The following LAMA3 variants were observed in gnomAD, a reference collection of about 807,000 sequenced individuals.
LAMA3 encodes the protein laminin subunit alpha 3.
LAMA3 carries 281 observed loss-of-function variants against 402.0 expected under a neutral mutation model. That is an observed-to-expected ratio of 0.70 (90% CI 0.63 to 0.77). LAMA3 has a LOEUF of 0.77. Ranked by LOEUF, LAMA3 falls within the 30% of genes least tolerant of loss-of-function variation. LAMA3 has a pLI of 0.00. For synonymous variants in LAMA3, 1,431 were observed against 1,558.4 expected (o/e 0.92, Z 1.93); for missense variants, 3,840 against 4,215.5 (o/e 0.91, Z 2.47).
rs1243607109 is a variant in LAMA3 at position 23,912,626 on chromosome 18, G to A, written c.7159-85G>A. 81 of 1,093,436 alleles carry A rather than the reference G, an allele frequency of 7.4e-5. 4 individuals are homozygous for A. The South Asian group carries it at 7.8e-4, about 10-fold the overall frequency. 67.7% of individuals were successfully genotyped at this position (1,093,436 alleles called of 1,614,324 possible). On this transcript the variant is annotated intron_variant, in intron 55 of 74. Transcript: ENST00000313654. ...AACAACTCAGGAAAGGCTGATACAT[G>A]GCTACGAGTCACAAACTAGCTCTCT...
intron 40 of LAMA3, among the ~76,000 whole-genome samples, chr18:23,882,503 G>C (rs761070774): frequency 6.6e-6 from 1 of 151,842 alleles, no homozygotes; most frequent in South Asian, 2.1e-4. Context: ...CCAGCTATTC[G>C]GGAGGCTGAG....
chr18:23,919,246 T>C (rs2081747838), intron 60 of LAMA3, among the ~76,000 whole-genome samples: 1 of 152,144 alleles, frequency 6.6e-6, no homozygotes, highest in African/African-American at 2.4e-5. Context: ...ATTTTCCTCT[T>C]AGAAAAGAAC....
chr18:23,848,093 G>T (rs2144641931), intron 32 of LAMA3, among the ~76,000 whole-genome samples: 1 of 152,328 alleles, frequency 6.6e-6, no homozygotes, highest in East Asian at 1.9e-4. Context: ...GGGTTCGCTG[G>T]CAGTGTGGTT....
At chr18:23,817,255 C>T (rs1449250677) in intron 18 of LAMA3, among the ~76,000 whole-genome samples, 1 of 152,074 alleles carries the variant, frequency 6.6e-6, no homozygotes, top group African/African-American at 2.4e-5. Context: ...CATTTATAAA[C>T]GTTTTGAAAC....
At chr18:23,921,307 C>CA in intron 61 of LAMA3, 145 bp from the exon 62 acceptor site, 1 of 940,394 alleles carries the variant, frequency 1.1e-6, no homozygotes. Context: ...TATTTTTATC[C>CA]AAAAATGCTA....
At chr18:23,935,385 T>G (rs2082281210) in intron 67 of LAMA3, among the ~76,000 whole-genome samples, 1 of 152,222 alleles carries the variant, frequency 6.6e-6, no homozygotes, top group Non-Finnish European at 1.5e-5. Context: ...CTGCGTGGGC[T>G]TCAGCAGATA....
At chr18:23,844,929 G>A in intron 29 of LAMA3, 80 bp from the exon 30 acceptor site, 1 of 836,114 alleles carries the variant, frequency 1.2e-6, no homozygotes, top group Non-Finnish European at 2.1e-6. Flanking sequence ...TCGAGTAGGG[G>A]TGCTCAACCT....
chr18:23,923,772 AG>A (rs2145333810), intron 62 of LAMA3, among the ~76,000 whole-genome samples: 1 of 152,302 alleles, frequency 6.6e-6, no homozygotes, highest in African/African-American at 2.4e-5. Flanking sequence ...TGAGGCAATA[AG>A]GAACCCATTG....
At chr18:23,799,088 T>A (rs2144166580) in intron 12 of LAMA3, among the ~76,000 whole-genome samples, 1 of 152,340 alleles carries the variant, frequency 6.6e-6, no homozygotes, top group East Asian at 1.9e-4. Flanking sequence ...GCAGGTACTG[T>A]GGAACAGGAC....
intron 40 of LAMA3, among the ~76,000 whole-genome samples, chr18:23,883,033 T>C (rs2064953354): frequency 6.6e-6 from 1 of 152,122 alleles, no homozygotes; most frequent in Admixed American, 6.5e-5. Flanking sequence ...ACGAGGCTCC[T>C]AGACAAGGAT....
rs777962713 is a variant in LAMA3 at position 23,909,311 on chromosome 18, C to T, written c.7158+16C>T. 50 of 1,608,752 alleles carry T rather than the reference C, an allele frequency of 3.1e-5. No individual in the cohort carries two copies. Among genetic ancestry groups the T allele is most frequent in the Non-Finnish European group, 3.5e-5 (41 of 1,178,860 alleles). On this transcript the variant is annotated intron_variant, in intron 55 of 74. Transcript: ENST00000313654. ...TGCCAGTAAGGTGAGTGTGTCCCCA[C>T]GTGGTCAGTGGCCAAGGCTAGTTCT...
intron 2 of LAMA3, among the ~76,000 whole-genome samples, chr18:23,747,528 C>T (rs1261532957): frequency 6.6e-6 from 1 of 152,160 alleles, no homozygotes; most frequent in African/African-American, 2.4e-5. Flanking sequence ...AAACCTGGAA[C>T]CAGGGTTAGG....
At chr18:23,772,345 T>G (rs1598759824) in intron 8 of LAMA3, among the ~76,000 whole-genome samples, 1 of 152,178 alleles carries the variant, frequency 6.6e-6, no homozygotes, top group South Asian at 2.1e-4. Context: ...TGGGCTGATC[T>G]AAGTCTTAAA....
intron 41 of LAMA3, 36 bp from the exon 42 acceptor site, chr18:23,889,975 T>C (rs1568304108): frequency 6.8e-7 from 1 of 1,469,944 alleles, no homozygotes; most frequent in African/African-American, 1.4e-5. Context: ...CGATGAGTTA[T>C]TTGGGTGTTT....
At chr18:23,874,180 A>G (rs1433845228) in intron 38 of LAMA3, among the ~76,000 whole-genome samples, 1 of 152,222 alleles carries the variant, frequency 6.6e-6, no homozygotes, top group Non-Finnish European at 1.5e-5. Flanking sequence ...GCATGTTGTC[A>G]TAAACTAACC....
At chr18:23,937,147 C>T (rs7229852) in intron 67 of LAMA3, among the ~76,000 whole-genome samples, 4 of 151,960 alleles carry the variant, frequency 2.6e-5, no homozygotes, top group Non-Finnish European at 4.4e-5. Context: ...AGGCAAATCA[C>T]CTGAGGTCAG....
At chr18:23,789,847 T>C (rs2062616734) in intron 12 of LAMA3, among the ~76,000 whole-genome samples, 1 of 152,170 alleles carries the variant, frequency 6.6e-6, no homozygotes, top group Non-Finnish European at 1.5e-5. Context: ...AATAAACTTG[T>C]TTGAAAAAAT....
At position 23,912,786 on chromosome 18, in the gene LAMA3, G is replaced by C. The variant is rs561334140; in HGVS notation, c.7234G>C (p.Gly2412Arg). 4.6e-5 allele frequency: 74 copies of C among 1,613,970 alleles called. No homozygotes were observed. The highest frequency in any genetic ancestry group is 6.1e-5 in the Non-Finnish European group (72 of 1,179,840). ...RLPNDLEDLK[G>R]YTSLSLFLQR... ...GCCAAATGACCTGGAAGATTTGAAA[G>C]GATATACATCTCTGTCCTTGTTTCT... Residue 2412 changes from glycine (G) to arginine (R), a missense_variant, in exon 56 of 75, where the codon GGA (glycine) becomes CGA (arginine). Gly to Arg is a moderately radical substitution (Grantham distance 125). Transcript: ENST00000313654.
In LAMA3 at chr18:23,954,543, C is replaced by G; in HGVS notation, c.9897C>G (p.Phe3299Leu). Residue 3299 changes from phenylalanine (F) to leucine (L), a missense_variant, in exon 75 of 75, where the codon TTC becomes TTG. This residue lies in a region of LAMA3 where 840 missense variants were observed against 981.9 expected (regional missense o/e 0.86). Transcript: ENST00000313654. The stretch of plus-strand genomic sequence containing the variant: ...TGAGGATCCCTGTGTGGAAATCATT[C>G]TTTGGCTGTCTGAGGAATATTCATG... ...TTLRIPVWKS[F>L]FGCLRNIHVN... is the part of the protein sequence containing the mutation. The G allele has an allele frequency of 1.2e-6, 2 of 1,613,870 alleles. No homozygotes were observed. The highest frequency in any genetic ancestry group is 1.7e-6 in the Non-Finnish European group (2 of 1,179,906).
Sources: gnomAD v4.1 joint callset for allele counts (sites outside exome capture counted in the v4.1 genomes callset) on GRCh38, gnomAD v4.1.1 for gene constraint, gnomAD v4.1.1 regional missense constraint, MANE v1.5 for transcripts, NCBI Gene and HGNC (gene_info 2026-07-23, HGNC 2026-07-21) for gene names.